Variants in CNIH3 observed in about 807,000 individuals in gnomAD.
CNIH3 encodes the protein cornichon family AMPA receptor auxiliary protein 3, also known as protein cornichon homolog 3.
CNIH3 carries 14 observed loss-of-function variants against 24.1 expected under a neutral mutation model. The observed-to-expected ratio is 0.58, with a 90% CI of 0.38 to 0.91. The LOEUF (loss-of-function observed/expected upper bound fraction) is 0.91, where lower values mean the gene tolerates loss of function less well. CNIH3 is among the 40% of genes least tolerant of loss of function. CNIH3 has a pLI of 0.00. For synonymous variants in CNIH3, 68 were observed against 73.8 expected, an observed-to-expected ratio of 0.92 and a Z score of 0.40; for missense variants, 178 against 196.8, an observed-to-expected ratio of 0.90 and a Z score of 0.57.
chr1:224,555,249 C>G (rs1478457352), intron 3 of CNIH3, among the ~76,000 whole-genome samples: 1 of 152,206 alleles, frequency 6.6e-6, no homozygotes, highest in Non-Finnish European at 1.5e-5. Context: ...TTGGGGCAGT[C>G]AGACTTCAGA....
intron 1 of CNIH3, among the ~76,000 whole-genome samples, chr1:224,618,661 C>A (rs939869621): frequency 1.3e-5 from 2 of 152,176 alleles, no homozygotes; most frequent in Non-Finnish European, 2.9e-5. Flanking sequence ...AGAAAATTGA[C>A]CTGGATAGTC....
At chr1:224,720,950 C>T (rs575092378) in intron 3 of CNIH3, among the ~76,000 whole-genome samples, 2 of 152,308 alleles carry the variant, frequency 1.3e-5, no homozygotes, top group East Asian at 1.9e-4. Context: ...TTGGCCACTA[C>T]GTTCTGCCTT....
chr1:224,711,428 C>G (rs1688140916), intron 3 of CNIH3, among the ~76,000 whole-genome samples: 1 of 151,850 alleles, frequency 6.6e-6, no homozygotes, highest in Non-Finnish European at 1.5e-5. Context: ...TCAAGTGATC[C>G]TCCCACTTCA....
Position 224,655,438 on chromosome 1 carries a change from C to A in CNIH3, c.82-25520C>A, listed in dbSNP as rs116018622. ...GGAAGGGTAAATGGAGGCTTTTGAG[C>A]GCAGTTAACTTTTGGGCTGAAGGAA... On this transcript the variant is annotated intron_variant, in intron 1 of 5. Transcript: ENST00000272133. Among the ~76,000 whole-genome samples the A allele has an allele frequency of 4.1e-3, 626 of 152,082 alleles. 6 individuals carry two copies. The highest frequency in any genetic ancestry group is 0.014 in the African/African-American group (598 of 41,452).
rs1423635261 is a variant in CNIH3, at chr1:224,730,669, C to T, written c.311+95C>T. 4.2e-6 allele frequency: 3 copies of T among 717,822 alleles called. No individual in the cohort carries two copies. The African/African-American group carries it at 5.3e-5, about 13-fold the overall frequency. The allele number at this position is 717,822 out of a possible 1,614,324, so 44.5% of individuals were successfully genotyped here. A position where few individuals can be genotyped will look rare whatever the true frequency, so the allele number is the denominator to read the frequency against. On this transcript the variant is annotated intron_variant, in intron 4 of 5. Transcript: ENST00000272133. ...TCACCCAAATAGACAGCTTCTATTGCCTTCCAATCATCCCTTCCTTTCTGG... is the reference window on the plus strand; with the variant it reads ...TCACCCAAATAGACAGCTTCTATTGTCTTCCAATCATCCCTTCCTTTCTGG...
chr1:224,513,303 C>A (rs1045615607), upstream of CNIH3, among the ~76,000 whole-genome samples: 1 of 139,548 alleles, frequency 7.2e-6, no homozygotes, highest in East Asian at 2.1e-4. Context: ...CACATACCAC[C>A]ACACCTGGTT....
chr1:224,628,955 C>G (rs1249623736), intron 1 of CNIH3, among the ~76,000 whole-genome samples: 1 of 151,654 alleles, frequency 6.6e-6, no homozygotes, highest in Non-Finnish European at 1.5e-5. Flanking sequence ...CACCTGCCAC[C>G]CCCACTTTGA....
chr1:224,722,674 G>A (rs891446018), intron 3 of CNIH3, among the ~76,000 whole-genome samples: 10 of 152,216 alleles, frequency 6.6e-5, no homozygotes, highest in East Asian at 5.8e-4. Context: ...TGGGGGGAGT[G>A]CAGTCAGCAA....
chr1:224,732,155 A>C (rs1689368258), intron 4 of CNIH3, among the ~76,000 whole-genome samples: 1 of 152,118 alleles, frequency 6.6e-6, no homozygotes, highest in Non-Finnish European at 1.5e-5. Context: ...CTCCAGGTGG[A>C]GAGGTGAGAG....
intron 3 of CNIH3, among the ~76,000 whole-genome samples, chr1:224,565,152 A>G (rs1430873482): frequency 6.6e-6 from 1 of 152,202 alleles, no homozygotes; most frequent in Non-Finnish European, 1.5e-5. Context: ...TCCTCTTAAT[A>G]TATAATGGAG....
At chr1:224,440,910 G>A (rs1373157222) in intron 1 of CNIH3, among the ~76,000 whole-genome samples, 6 of 151,108 alleles carry the variant, frequency 4.0e-5, no homozygotes, top group African/African-American at 9.7e-5. Flanking sequence ...TCTGCCTCCC[G>A]GGTTCACACC....
chr1:224,453,398 G>A (rs1284178916), intron 1 of CNIH3, among the ~76,000 whole-genome samples: 1 of 151,604 alleles, frequency 6.6e-6, no homozygotes, highest in Non-Finnish European at 1.5e-5. Context: ...GTGTTGCCCA[G>A]GCTGGTCTTG....
chr1:224,535,071 C>T (rs1329876225), intron 2 of CNIH3, among the ~76,000 whole-genome samples: 4 of 152,178 alleles, frequency 2.6e-5, no homozygotes, highest in Non-Finnish European at 5.9e-5. Flanking sequence ...GAAGTCCTAA[C>T]CCCCAGCAAC....
chr1:224,635,567 G>A (rs1684047908), intron 1 of CNIH3, among the ~76,000 whole-genome samples: 1 of 152,226 alleles, frequency 6.6e-6, no homozygotes, highest in African/African-American at 2.4e-5. Flanking sequence ...GCTAGGACAG[G>A]GATGCTGACT....
intron 1 of CNIH3, among the ~76,000 whole-genome samples, chr1:224,457,269 CTCTCTCTGTG>C (rs59421631): frequency 0.34 from 35,846 of 104,492 alleles, 4,593 homozygotes; most frequent in South Asian, 0.47. Context: ...GCCCTCCTCT[CTCTCTCTGTG>C]TGTGTGTGTG....
At chr1:224,548,151 C>A (rs1357434614) in intron 3 of CNIH3, among the ~76,000 whole-genome samples, 2 of 151,942 alleles carry the variant, frequency 1.3e-5, no homozygotes, top group Non-Finnish European at 2.9e-5. Context: ...TGGGTGCATA[C>A]CCTCGGATAT....
intron 1 of CNIH3, among the ~76,000 whole-genome samples, chr1:224,635,632 C>T (rs1684053098): frequency 6.6e-6 from 1 of 152,228 alleles, no homozygotes; most frequent in South Asian, 2.1e-4. Flanking sequence ...GCAGTCAGCC[C>T]ACAGCATGCA....
intron 3 of CNIH3, among the ~76,000 whole-genome samples, chr1:224,594,638 AG>A (rs1681902236): frequency 1.3e-5 from 2 of 152,208 alleles, no homozygotes; most frequent in Admixed American, 1.3e-4. Flanking sequence ...TGCACAGGAA[AG>A]GTCAGGCGGA....
intron 3 of CNIH3, among the ~76,000 whole-genome samples, chr1:224,722,283 C>T (rs569394086): frequency 2.0e-5 from 3 of 152,296 alleles, no homozygotes; most frequent in South Asian, 2.1e-4. Context: ...AAGTGTTTAA[C>T]AAAATCACCT....
Sources: gnomAD v4.1 joint callset for allele counts (sites outside exome capture counted in the v4.1 genomes callset) on GRCh38, gnomAD v4.1.1 for gene constraint, MANE v1.5 for transcripts, NCBI Gene and HGNC (gene_info 2026-07-23, HGNC 2026-07-21) for gene names.